EPG5: variants seen among roughly 807,000 people sequenced by gnomAD.
EPG5 encodes the protein ectopic P granules protein 5 homolog.
Under a neutral mutation model 302.7 loss-of-function variants are expected in EPG5, and 159 were observed. The ratio of observed to expected loss-of-function variants is 0.53; its 90% confidence interval spans 0.46 to 0.60. EPG5 has a LOEUF of 0.60. Among genes scored for constraint, EPG5 ranks in the 20% least tolerant of loss-of-function variants. EPG5 has a pLI of 0.00. For synonymous variants in EPG5, 1,158 were observed against 1,136.8 expected (o/e 1.02, Z -0.37); for missense variants, 2,896 against 3,092.4 (o/e 0.94, Z 1.51).
intron 39 of EPG5, among the ~76,000 whole-genome samples, 189 bp from the exon 40 acceptor site, chr18:45,860,535 G>T (rs1331837008): frequency 3.3e-5 from 5 of 152,202 alleles, no homozygotes; most frequent in Non-Finnish European, 5.9e-5. Context: ...GCGGCACACG[G>T]TTACTAAGAG....
intron 43 of EPG5, among the ~76,000 whole-genome samples, chr18:45,854,281 T>G (rs2048470836): frequency 6.6e-6 from 1 of 152,248 alleles, no homozygotes; most frequent in South Asian, 2.1e-4. Flanking sequence ...GTGGAGAACC[T>G]GCTAATCTGC....
intron 35 of EPG5, among the ~76,000 whole-genome samples, chr18:45,872,405 T>TA (rs1238960490): frequency 6.6e-6 from 1 of 152,136 alleles, no homozygotes; most frequent in Non-Finnish European, 1.5e-5. Context: ...ACAAATCTTT[T>TA]AAAAAATGGC....
the EPG5 span, among the ~76,000 whole-genome samples, chr18:45,835,404 T>A: frequency 4.1e-4 from 63 of 152,298 alleles, 1 homozygote; most frequent in East Asian, 0.011. Flanking sequence ...GTACTTAAAA[T>A]TATGGGATGG....
intron 35 of EPG5, among the ~76,000 whole-genome samples, chr18:45,874,585 C>T (rs1161403730): frequency 7.9e-5 from 12 of 152,236 alleles, no homozygotes; most frequent in Admixed American, 5.2e-4. Flanking sequence ...CCAAGCAATA[C>T]GGGAAACCCC....
At chr18:45,885,482 A>C (rs2049197725) in intron 29 of EPG5, among the ~76,000 whole-genome samples, 2 of 152,214 alleles carry the variant, frequency 1.3e-5, no homozygotes, top group South Asian at 4.1e-4. Context: ...TACGTCAGAA[A>C]ACAAAACTTC....
At chr18:45,822,919 C>T in the EPG5 span, among the ~76,000 whole-genome samples, 1 of 152,172 alleles carries the variant, frequency 6.6e-6, no homozygotes, top group South Asian at 2.1e-4. Context: ...TGGCCCTGTG[C>T]TTGGTGAGGG....
At chr18:45,884,847 C>G in intron 29 of EPG5, 36 bp from the exon 30 acceptor site, 1 of 1,431,822 alleles carries the variant, frequency 7.0e-7, no homozygotes, top group East Asian at 2.7e-5. Context: ...TCACCAGATT[C>G]TTCCCTCACA....
chr18:45,838,742 C>G, the EPG5 span: 3 of 1,580,050 alleles, frequency 1.9e-6, no homozygotes, highest in Non-Finnish European at 2.6e-6. Context: ...GTCAACATCT[C>G]GGTGCTGCCC....
At chr18:45,884,050 A>G (rs929888609) in intron 30 of EPG5, among the ~76,000 whole-genome samples, 17 of 152,130 alleles carry the variant, frequency 1.1e-4, no homozygotes, top group African/African-American at 3.9e-4. Context: ...GCATAAATTC[A>G]GGATAAATTT....
the EPG5 span, chr18:45,825,929 TGCCAGAA>T: frequency 1.1e-6 from 1 of 894,266 alleles, no homozygotes; most frequent in Non-Finnish European, 1.7e-6. Flanking sequence ...GGGCCTGTGG[TGCCAGAA>T]GCCAGAAGTT....
At chr18:45,915,904 A>T in intron 19 of EPG5, 105 bp downstream of exon 19, 1 of 1,024,594 alleles carries the variant, frequency 9.8e-7, no homozygotes, top group Non-Finnish European at 1.4e-6. Flanking sequence ...TAAAGAAGGT[A>T]ATGGCCACAG....
At chr18:45,901,987 GAA>G (rs2049630074) in intron 25 of EPG5, among the ~76,000 whole-genome samples, 2 of 152,132 alleles carry the variant, frequency 1.3e-5, no homozygotes, top group African/African-American at 4.8e-5. Context: ...GGTGGGGACT[GAA>G]TAACATGAAG....
intron 10 of EPG5, among the ~76,000 whole-genome samples, chr18:45,938,050 C>A (rs189387868): frequency 6.6e-6 from 1 of 152,314 alleles, no homozygotes; most frequent in East Asian, 1.9e-4. Flanking sequence ...TCCTCCCATG[C>A]ACCAGGCCAG....
intron 16 of EPG5, 94 bp from the exon 17 acceptor site, chr18:45,917,913 T>G: frequency 7.6e-7 from 1 of 1,321,594 alleles, no homozygotes; most frequent in Non-Finnish European, 1.1e-6. Context: ...TACCTTGGGT[T>G]ATCTCAGGTC....
Position 45,868,649 on chromosome 18 carries a change from G to A in EPG5, c.6226-901C>T, listed in dbSNP as rs1045241660. 4.6e-5 allele frequency among the ~76,000 whole-genome samples: 7 copies of A among 151,180 alleles called. No individual in the cohort carries two copies. In the East Asian group the frequency reaches 1.2e-3, roughly 25 times the overall value. On this transcript the variant is annotated intron_variant, in intron 36 of 43. Coordinates refer to ENST00000282041, the MANE Select transcript of EPG5 (RefSeq NM_020964.3). Reference sequence around the variant, plus strand: ...CTCCCAAAGTGCTGGGATTACAGGCGTGAGCCACCGCGCCCGGCCTATATT... The same window carrying A: ...CTCCCAAAGTGCTGGGATTACAGGCATGAGCCACCGCGCCCGGCCTATATT...
the EPG5 span, chr18:45,829,220 G>C: frequency 3.2e-6 from 3 of 927,478 alleles, no homozygotes; most frequent in Admixed American, 6.2e-5. Flanking sequence ...GTCAGCCTGC[G>C]GCAGAGGCAT....
At chr18:45,802,143 A>T in the EPG5 span, among the ~76,000 whole-genome samples, 1 of 152,016 alleles carries the variant, frequency 6.6e-6, no homozygotes, top group Admixed American at 6.6e-5. Flanking sequence ...CCTTCCTTGG[A>T]GACTCCCCAC....
At chr18:45,852,698 G>T in intron 43 of EPG5, 49 bp from the exon 44 acceptor site, 2 of 1,507,336 alleles carry the variant, frequency 1.3e-6, no homozygotes, top group Non-Finnish European at 1.8e-6. Context: ...GGCACATAAT[G>T]TGACTGCCAG....
At chr18:45,852,856 C>T (rs2048443317) in intron 43 of EPG5, among the ~76,000 whole-genome samples, 1 of 152,204 alleles carries the variant, frequency 6.6e-6, no homozygotes, top group Non-Finnish European at 1.5e-5. Flanking sequence ...GCCTCTGTGG[C>T]CTTTGCAGCA....
Sources: gnomAD v4.1 joint callset for allele counts (sites outside exome capture counted in the v4.1 genomes callset) on GRCh38, gnomAD v4.1.1 for gene constraint, MANE v1.5 for transcripts, NCBI Gene and HGNC (gene_info 2026-07-23, HGNC 2026-07-21) for gene names.